IGF2R: variants seen among roughly 807,000 people sequenced by gnomAD.
IGF2R encodes the protein insulin like growth factor 2 receptor.
IGF2R carries 91 observed loss-of-function variants against 270.6 expected under a neutral mutation model. The observed-to-expected ratio is 0.34, with a 90% CI of 0.28 to 0.40. The LOEUF (loss-of-function observed/expected upper bound fraction) is 0.40, where lower values mean the gene tolerates loss of function less well. IGF2R is among the 10% of genes least tolerant of loss of function. IGF2R has a pLI of 1.00. For missense variants in IGF2R, 2,805 were observed against 3,188.3 expected (o/e 0.88, Z 2.90); for synonymous variants, 1,316 against 1,258.9 (o/e 1.05, Z -0.96).
At chr6:160,018,772 A>T (rs1777362259) in intron 4 of IGF2R, among the ~76,000 whole-genome samples, 1 of 152,188 alleles carries the variant, frequency 6.6e-6, no homozygotes, top group Non-Finnish European at 1.5e-5. Flanking sequence ...ATTGAAACAA[A>T]TGAAAGTGGA....
Position 160,084,611 on chromosome 6 carries a change from C to G in IGF2R, c.6069-384C>G, listed in dbSNP as rs570876743. On this transcript the variant is annotated intron_variant, in intron 40 of 47. Coordinates refer to ENST00000356956, the MANE Select transcript of IGF2R (RefSeq NM_000876.4). The surrounding 1 kb of genome is among the most constrained non-coding windows in gnomAD (Gnocchi z 4.6). ...GCGCCCGCTTGGCCAGGTGCTCCTG[C>G]AAGACATCACCGAGGAGCAGGGGCA... Among the ~76,000 whole-genome samples, 1 of 152,266 alleles carries G rather than the reference C, an allele frequency of 6.6e-6. No homozygotes were observed. The highest frequency in any genetic ancestry group is 6.5e-5 in the Admixed American group (1 of 15,310).
chr6:160,087,749 C>T (rs1325190638), intron 41 of IGF2R, among the ~76,000 whole-genome samples: 2 of 152,186 alleles, frequency 1.3e-5, no homozygotes, highest in Non-Finnish European at 1.5e-5. Flanking sequence ...GATCTTGGCT[C>T]ACTGCAACTT....
Position 160,108,319 on chromosome 6 carries a change from G to C in IGF2R, c.*3235G>C, listed in dbSNP as rs543600079. ...GGCGGCAAGATAGCCACATTGAGTT[G>C]GGGACAGTATGGCCTGGGGGTGTTG... On this transcript the variant is annotated 3_prime_UTR_variant, in exon 48 of 48. Transcript: ENST00000356956. 2.0e-5 allele frequency: 3 copies of C among 152,638 alleles called. No homozygotes were observed. The highest frequency in any genetic ancestry group is 2.0e-4 in the Admixed American group (3 of 15,292). 9.5% of individuals were successfully genotyped at this position (152,638 alleles called of 1,614,324 possible).
rs139318948 is a variant in IGF2R, at chr6:160,049,691, G to A, written c.2515-782G>A. Among the ~76,000 whole-genome samples the A allele has an allele frequency of 7.4e-4, 112 of 152,264 alleles. 1 individual carries two copies. The highest frequency in any genetic ancestry group is 6.8e-3 in the Middle Eastern group (2 of 294). ...CTCCCTTGTGTTCGGAAAGTTTAGC[G>A]GGGCAGCCTTAGGTGAGCCACTTAA... On this transcript the variant is annotated intron_variant, in intron 18 of 47. Coordinates refer to ENST00000356956, the MANE Select transcript of IGF2R (RefSeq NM_000876.4).
intron 1 of IGF2R, among the ~76,000 whole-genome samples, chr6:159,989,294 C>T (rs1486792955): frequency 6.6e-6 from 1 of 152,122 alleles, no homozygotes; most frequent in South Asian, 2.1e-4. Context: ...GAAACTAGTT[C>T]AGGGTTGGGG....
intron 37 of IGF2R, 61 bp downstream of exon 37, chr6:160,078,423 C>T (rs1778902393): frequency 4.6e-6 from 7 of 1,518,480 alleles, no homozygotes; most frequent in Non-Finnish European, 6.4e-6. Context: ...TGCTGTGAGG[C>T]TGCTGGGAGT....
At chr6:160,010,178 A>G (rs1784311265) in intron 3 of IGF2R, among the ~76,000 whole-genome samples, 1 of 152,130 alleles carries the variant, frequency 6.6e-6, no homozygotes, top group African/African-American at 2.4e-5. Flanking sequence ...TGCTTGTGTC[A>G]TCCTGCGATG....
chr6:160,073,732 C>T (rs780967646), intron 34 of IGF2R, 25 bp from the exon 35 acceptor site: 3 of 1,593,458 alleles, frequency 1.9e-6, no homozygotes, highest in Non-Finnish European at 2.6e-6. Flanking sequence ...TTTGTAGACT[C>T]AAAGCAGTCT....
intron 4 of IGF2R, among the ~76,000 whole-genome samples, chr6:160,012,149 A>C (rs1378723570): frequency 6.6e-6 from 1 of 152,202 alleles, no homozygotes; most frequent in Non-Finnish European, 1.5e-5. Flanking sequence ...CAATGAAAAA[A>C]AAAAAGTTTA....
chr6:160,061,409 C>A, intron 23 of IGF2R, 94 bp from the exon 24 acceptor site: 1 of 1,138,908 alleles, frequency 8.8e-7, no homozygotes, highest in Non-Finnish European at 1.3e-6. Context: ...ATGCCAGGTT[C>A]ACGCCTCCTC....
intron 9 of IGF2R, among the ~76,000 whole-genome samples, chr6:160,033,613 G>A (rs1777750084): frequency 1.3e-5 from 2 of 152,244 alleles, no homozygotes; most frequent in South Asian, 2.1e-4. Context: ...TGGCTTTAGA[G>A]TAAGAATGCT....
At chr6:159,970,298 A>T (rs1783590872) in intron 1 of IGF2R, among the ~76,000 whole-genome samples, 1 of 152,148 alleles carries the variant, frequency 6.6e-6, no homozygotes, top group Non-Finnish European at 1.5e-5. Context: ...AACTTTGGTA[A>T]AAAGGAAGCA....
In IGF2R at chr6:160,040,436, C is replaced by A. The variant is rs569028132; in HGVS notation, c.1316-124C>A. ...CAGATCCCCATGGTCTCTAAAAAAACCTGGACCTGAATTTTTTAACGGAGC... is the reference window on the plus strand; with the variant it reads ...CAGATCCCCATGGTCTCTAAAAAAAACTGGACCTGAATTTTTTAACGGAGC... On this transcript the variant is annotated intron_variant, in intron 10 of 47. Transcript: ENST00000356956. The A allele has an allele frequency of 5.4e-6, 4 of 741,232 alleles. No homozygotes were observed. The South Asian group carries it at 7.2e-5, about 13-fold the overall frequency. 45.9% of individuals were successfully genotyped at this position (741,232 alleles called of 1,614,324 possible).
chr6:159,973,536 A>T (rs558992048), intron 1 of IGF2R, among the ~76,000 whole-genome samples: 1 of 152,130 alleles, frequency 6.6e-6, no homozygotes, highest in South Asian at 2.1e-4. Context: ...GTCTCTAAGG[A>T]GATTTTTTTT....
chr6:160,058,388 G>A (rs1386827851), intron 21 of IGF2R, among the ~76,000 whole-genome samples: 2 of 152,176 alleles, frequency 1.3e-5, no homozygotes, highest in Non-Finnish European at 2.9e-5. Flanking sequence ...TAAAGGTAGT[G>A]CTGAAGCCTG....
chr6:160,047,243 C>T lies in IGF2R; in HGVS notation c.2136C>T (p.Gly712=). The change falls in exon 16 of 48, where the codon GGC becomes GGT. Residue 712 remains glycine (G), a synonymous_variant. Transcript: ENST00000356956. ...DGMIQLNYRG[G]TPYNNERHTP... is the part of the protein sequence containing the mutation. Reference sequence around the variant, plus strand: ...TGATCCAACTGAACTACAGAGGCGGCACACCCTATAACAATGAAAGACACA... The same window carrying T: ...TGATCCAACTGAACTACAGAGGCGGTACACCCTATAACAATGAAAGACACA... 1.9e-6 allele frequency: 3 copies of T among 1,613,898 alleles called. No homozygotes were observed. In the East Asian group the frequency reaches 6.7e-5, roughly 36 times the overall value.
At chr6:160,073,020 C>T in intron 33 of IGF2R, 136 bp downstream of exon 33, 2 of 1,387,096 alleles carry the variant, frequency 1.4e-6, no homozygotes, top group South Asian at 2.8e-5. Context: ...GCAGCAGTCA[C>T]CCCATGTGGG....
intron 2 of IGF2R, chr6:160,006,641 G>A (rs1393130249): frequency 6.6e-6 from 1 of 152,268 alleles, no homozygotes; most frequent in Non-Finnish European, 1.5e-5. Flanking sequence ...CTGGTGCTGT[G>A]GGGGCGCGCT....
At chr6:160,037,914 C>T (rs1408692429) in intron 10 of IGF2R, among the ~76,000 whole-genome samples, 1 of 152,124 alleles carries the variant, frequency 6.6e-6, no homozygotes, top group Non-Finnish European at 1.5e-5. Context: ...CATCAATTTG[C>T]TTTGTTTTAT....
Sources: gnomAD v4.1 joint callset for allele counts (sites outside exome capture counted in the v4.1 genomes callset) on GRCh38, gnomAD v4.1.1 for gene constraint, Gnocchi (gnomAD v3.1) non-coding constraint, MANE v1.5 for transcripts, NCBI Gene and HGNC (gene_info 2026-07-23, HGNC 2026-07-21) for gene names.